CORIN: variants seen among roughly 807,000 people sequenced by gnomAD.
CORIN encodes corin, serine peptidase.
A neutral mutation model predicts 125.3 loss-of-function variants in CORIN; 117 were observed. The observed-to-expected ratio is 0.93, with a 90% confidence interval of 0.80 to 1.09. The LOEUF is 1.09. Ranked by LOEUF, CORIN falls within the 50% of genes least tolerant of loss-of-function variation. The probability of loss-of-function intolerance (pLI) is 0.00; values close to 1 mark genes in which losing one functional copy is unlikely to be tolerated. For synonymous variants in CORIN, 450 were observed against 466.4 expected (o/e 0.96, Z 0.45); for missense variants, 1,253 against 1,306.7 (o/e 0.96, Z 0.63).
chr4:47,670,308 A>G (rs1315764875), intron 10 of CORIN, among the ~76,000 whole-genome samples: 2 of 152,186 alleles, frequency 1.3e-5, no homozygotes, highest in African/African-American at 4.8e-5. Flanking sequence ...GTAATATTGT[A>G]TTCAATCTTT....
intron 1 of CORIN, among the ~76,000 whole-genome samples, chr4:47,812,943 G>T (rs1212391742): frequency 2.0e-5 from 3 of 152,026 alleles, no homozygotes; most frequent in African/African-American, 7.2e-5. Context: ...AATGTATTTG[G>T]CAAGAAGTAA....
chr4:47,623,851 C>T (rs1722442890), intron 18 of CORIN, 48 bp downstream of exon 18: 1 of 1,605,362 alleles, frequency 6.2e-7, no homozygotes, highest in African/African-American at 1.3e-5. Context: ...TGAGCCAATC[C>T]AGTTCAATTA....
intron 5 of CORIN, among the ~76,000 whole-genome samples, chr4:47,697,304 T>C (rs1395029405): frequency 6.6e-6 from 1 of 152,120 alleles, no homozygotes; most frequent in Non-Finnish European, 1.5e-5. Flanking sequence ...CAACCCAACA[T>C]GGACTTTACC....
At chr4:47,742,509 C>G (rs1204156582) in intron 5 of CORIN, among the ~76,000 whole-genome samples, 1 of 151,560 alleles carries the variant, frequency 6.6e-6, no homozygotes, top group African/African-American at 2.4e-5. Context: ...TCAAAAATAC[C>G]AGATACCACA....
chr4:47,700,836 T>C (rs577944095), intron 5 of CORIN, among the ~76,000 whole-genome samples: 7 of 152,314 alleles, frequency 4.6e-5, no homozygotes, highest in Admixed American at 2.0e-4. Flanking sequence ...CAGACATTTC[T>C]CTCCATGCCA....
intron 1 of CORIN, among the ~76,000 whole-genome samples, chr4:47,817,989 C>A (rs1328243794): frequency 6.6e-6 from 1 of 152,170 alleles, no homozygotes. Context: ...ATATACAAGG[C>A]TTTATCATCA....
intron 19 of CORIN, among the ~76,000 whole-genome samples, chr4:47,607,461 A>AT (rs1457581759): frequency 2.6e-5 from 4 of 151,986 alleles, no homozygotes; most frequent in African/African-American, 4.8e-5. Context: ...AATTCACATA[A>AT]TTTTTTGTAT....
intron 6 of CORIN, among the ~76,000 whole-genome samples, chr4:47,688,893 A>G (rs1182596258): frequency 6.6e-6 from 1 of 152,228 alleles, no homozygotes; most frequent in Non-Finnish European, 1.5e-5. Context: ...AACTATTTCT[A>G]GCATTTACTT....
intron 19 of CORIN, among the ~76,000 whole-genome samples, chr4:47,615,675 C>T (rs1265871253): frequency 6.6e-6 from 1 of 152,148 alleles, no homozygotes; most frequent in Non-Finnish European, 1.5e-5. Flanking sequence ...TGCCAGGAAA[C>T]CACCGGGATC....
At chr4:47,802,020 T>A (rs940821903) in intron 2 of CORIN, among the ~76,000 whole-genome samples, 1 of 152,138 alleles carries the variant, frequency 6.6e-6, no homozygotes, top group South Asian at 2.1e-4. Context: ...GCACAGCAAC[T>A]GGGGGACTTT....
chr4:47,706,852 G>A, intron 5 of CORIN: 1 of 1,598,574 alleles, frequency 6.3e-7, no homozygotes, highest in East Asian at 2.2e-5. Flanking sequence ...AGCACAGGGA[G>A]ATGCGTGGGC....
chr4:47,696,894 A>G (rs1375846943), intron 5 of CORIN, among the ~76,000 whole-genome samples: 1 of 152,158 alleles, frequency 6.6e-6, no homozygotes, highest in Non-Finnish European at 1.5e-5. Flanking sequence ...TAACTTTTAG[A>G]GTCCTTTTCA....
chr4:47,764,632 G>A (rs547544344), intron 3 of CORIN, among the ~76,000 whole-genome samples: 24 of 152,236 alleles, frequency 1.6e-4, no homozygotes, highest in Non-Finnish European at 8.8e-5. Context: ...TTGCCTAGAG[G>A]TGCATAGCCA....
intron 1 of CORIN, among the ~76,000 whole-genome samples, chr4:47,826,904 T>A (rs1344718026): frequency 6.6e-6 from 1 of 152,186 alleles, no homozygotes; most frequent in East Asian, 1.9e-4. Context: ...ATAAGGGTAG[T>A]GAAATTTAAA....
intron 5 of CORIN, among the ~76,000 whole-genome samples, chr4:47,735,904 C>T (rs1003783383): frequency 2.2e-5 from 3 of 133,736 alleles, no homozygotes; most frequent in South Asian, 2.4e-4. Context: ...CCAGCCTGGG[C>T]GACAGAGACT....
rs771890841 is a variant in CORIN at position 47,693,034 on chromosome 4, G to C, written c.849C>G (p.Ile283Met). ...ENFLCASGIC[I>M]PGKLQCNGYN... Reference sequence around the variant, plus strand: ...AGCCATTACATTGCAGTTTCCCGGGGATGCAGATTCCACTGGCACACAGAA... The same window carrying C: ...AGCCATTACATTGCAGTTTCCCGGGCATGCAGATTCCACTGGCACACAGAA... The change falls in exon 6 of 22, where the codon ATC becomes ATG. Residue 283 changes from isoleucine (I) to methionine (M), a missense_variant. Coordinates refer to ENST00000273857, the MANE Select transcript of CORIN (RefSeq NM_006587.4). 1.2e-6 allele frequency: 2 copies of C among 1,613,710 alleles called. No homozygotes were observed. The highest frequency in any genetic ancestry group is 2.2e-5 in the South Asian group (2 of 91,064).
At chr4:47,699,985 T>C (rs1726213809) in intron 5 of CORIN, among the ~76,000 whole-genome samples, 1 of 152,200 alleles carries the variant, frequency 6.6e-6, no homozygotes, top group Non-Finnish European at 1.5e-5. Context: ...GAAAGGGGCT[T>C]TGGGGCCACA....
intron 19 of CORIN, among the ~76,000 whole-genome samples, chr4:47,613,926 T>C (rs1050886587): frequency 6.6e-6 from 1 of 150,638 alleles, no homozygotes; most frequent in Non-Finnish European, 1.5e-5. Flanking sequence ...ACCTGCACAA[T>C]GTGCACATGT....
At chr4:47,691,224 A>G (rs1725754237) in intron 6 of CORIN, among the ~76,000 whole-genome samples, 1 of 152,246 alleles carries the variant, frequency 6.6e-6, no homozygotes, top group Admixed American at 6.5e-5. Flanking sequence ...ATACAGGCAT[A>G]TGCAGAATTT....
Sources: gnomAD v4.1 joint callset for allele counts (sites outside exome capture counted in the v4.1 genomes callset) on GRCh38, gnomAD v4.1.1 for gene constraint, MANE v1.5 for transcripts, NCBI Gene and HGNC (gene_info 2026-07-23, HGNC 2026-07-21) for gene names.